SLC35F1: variants seen among roughly 807,000 people sequenced by gnomAD.
SLC35F1 encodes the protein solute carrier family 35 member F1.
In SLC35F1, 14 loss-of-function variants were observed where a neutral mutation model predicts 48.7. The observed-to-expected ratio is 0.29, with a 90% confidence interval of 0.19 to 0.45. The LOEUF (loss-of-function observed/expected upper bound fraction) is 0.45. Among genes scored for constraint, SLC35F1 ranks in the 20% least tolerant of loss-of-function variants. The pLI is 1.00. For synonymous variants in SLC35F1, 190 were observed against 202.2 expected (o/e 0.94, Z 0.51); for missense variants, 404 against 500.0 (o/e 0.81, Z 1.83).
intron 1 of SLC35F1, among the ~76,000 whole-genome samples, chr6:118,114,262 A>G (rs1378024891): frequency 6.6e-6 from 1 of 152,142 alleles, no homozygotes; most frequent in African/African-American, 2.4e-5. Context: ...TATAAAGACT[A>G]AATTATCATC....
At chr6:117,970,623 A>C (rs1466847951) in intron 1 of SLC35F1, among the ~76,000 whole-genome samples, 2 of 152,192 alleles carry the variant, frequency 1.3e-5, no homozygotes, top group African/African-American at 2.4e-5. Flanking sequence ...AAAGAAAAGG[A>C]GGTTTAATGG....
chr6:117,940,224 G>T (rs1189200063), intron 1 of SLC35F1, among the ~76,000 whole-genome samples: 4 of 152,124 alleles, frequency 2.6e-5, no homozygotes, highest in Non-Finnish European at 4.4e-5. Flanking sequence ...TACCTAGAGG[G>T]ATCAAAAACA....
At chr6:118,129,252 C>T (rs1773674838) in intron 1 of SLC35F1, among the ~76,000 whole-genome samples, 1 of 152,068 alleles carries the variant, frequency 6.6e-6, no homozygotes, top group Non-Finnish European at 1.5e-5. Flanking sequence ...ATAATAGGGT[C>T]TTAGGTGGGG....
chr6:118,099,681 G>A (rs1446305697), intron 1 of SLC35F1, among the ~76,000 whole-genome samples: 2 of 152,150 alleles, frequency 1.3e-5, no homozygotes, highest in Non-Finnish European at 2.9e-5. Context: ...GTGGCCAAGA[G>A]AATATTCCAG....
chr6:117,946,469 G>C (rs1776296524), intron 1 of SLC35F1, among the ~76,000 whole-genome samples: 1 of 152,060 alleles, frequency 6.6e-6, no homozygotes, highest in Non-Finnish European at 1.5e-5. Context: ...CTGGAGCTTG[G>C]GTAAGAATTC....
chr6:117,937,160 G>A (rs1407693046), intron 1 of SLC35F1, among the ~76,000 whole-genome samples: 1 of 152,190 alleles, frequency 6.6e-6, no homozygotes, highest in African/African-American at 2.4e-5. Flanking sequence ...AAGTAGTAGA[G>A]TTGGGGTCTG....
intron 2 of SLC35F1, among the ~76,000 whole-genome samples, chr6:118,214,587 A>G (rs1445084238): frequency 6.6e-6 from 1 of 152,172 alleles, no homozygotes. Flanking sequence ...GAGACATTTC[A>G]CCTGAGAGTA....
At chr6:117,956,645 C>T (rs980772591) in intron 1 of SLC35F1, among the ~76,000 whole-genome samples, 2 of 152,194 alleles carry the variant, frequency 1.3e-5, no homozygotes, top group African/African-American at 4.8e-5. Context: ...CTGATTCAGC[C>T]ACTGACTAAT....
intron 2 of SLC35F1, among the ~76,000 whole-genome samples, chr6:118,161,721 G>A (rs1774237296): frequency 6.6e-6 from 1 of 152,168 alleles, no homozygotes; most frequent in Non-Finnish European, 1.5e-5. Flanking sequence ...TGAATCTTTG[G>A]TAGATGCTTC....
intron 1 of SLC35F1, among the ~76,000 whole-genome samples, chr6:118,000,247 T>C (rs1233887960): frequency 6.6e-5 from 10 of 152,156 alleles, no homozygotes; most frequent in Non-Finnish European, 1.3e-4. Flanking sequence ...AAAGCTTATC[T>C]ACCATGATCA....
chr6:118,028,212 T>A (rs1033065868), intron 1 of SLC35F1, among the ~76,000 whole-genome samples: 6 of 152,296 alleles, frequency 3.9e-5, no homozygotes, highest in African/African-American at 1.4e-4. Context: ...ATAGATGGAT[T>A]GAGAGACTCC....
rs1393137877 is a variant in SLC35F1, at chr6:117,963,509, C to T, written c.173+55610C>T. 2.6e-5 allele frequency among the ~76,000 whole-genome samples: 4 copies of T among 151,966 alleles called. No individual in the cohort carries two copies. In the East Asian group the frequency reaches 7.7e-4, roughly 29 times the overall value. On this transcript the variant is annotated intron_variant, in intron 1 of 7. Coordinates refer to ENST00000360388, the MANE Select transcript of SLC35F1 (RefSeq NM_001029858.4). ...TTTAATTCTTAATCATTGTGTGCTA[C>T]ACGATAATATTAGAGGGAAAAAGGG...
chr6:118,304,746 A>G (rs999071691), intron 7 of SLC35F1, among the ~76,000 whole-genome samples: 1 of 151,944 alleles, frequency 6.6e-6, no homozygotes, highest in Admixed American at 6.6e-5. Flanking sequence ...GATGCTCACA[A>G]TGATTTCATA....
intron 1 of SLC35F1, among the ~76,000 whole-genome samples, chr6:118,129,230 T>A (rs1036122515): frequency 2.6e-5 from 4 of 152,152 alleles, no homozygotes; most frequent in Non-Finnish European, 5.9e-5. Flanking sequence ...ATAGCGATAG[T>A]AGAGAATAAT....
chr6:118,239,697 G>C (rs182425776), intron 3 of SLC35F1, among the ~76,000 whole-genome samples: 5 of 152,158 alleles, frequency 3.3e-5, no homozygotes, highest in African/African-American at 1.2e-4. Context: ...TCTTTCTCAA[G>C]TTAGCCATTT....
At chr6:118,048,666 G>A (rs1346464755) in intron 1 of SLC35F1, among the ~76,000 whole-genome samples, 1 of 152,042 alleles carries the variant, frequency 6.6e-6, no homozygotes, top group Non-Finnish European at 1.5e-5. Context: ...GGGATGTGAA[G>A]GACCTCTTCA....
chr6:118,119,752 A>G (rs1369892013), intron 1 of SLC35F1, among the ~76,000 whole-genome samples: 4 of 152,142 alleles, frequency 2.6e-5, no homozygotes, highest in Non-Finnish European at 5.9e-5. Context: ...AATTACATAA[A>G]TAACACATTT....
At chr6:118,251,013 A>G (rs1026939283) in intron 3 of SLC35F1, among the ~76,000 whole-genome samples, 2 of 148,814 alleles carry the variant, frequency 1.3e-5, no homozygotes, top group Admixed American at 6.7e-5. Flanking sequence ...CATGGCCAGG[A>G]GCGGTGGCTC....
chr6:118,242,262 C>T (rs561209436), intron 3 of SLC35F1, among the ~76,000 whole-genome samples: 2 of 152,236 alleles, frequency 1.3e-5, no homozygotes, highest in South Asian at 2.1e-4. Context: ...TTTTTGGCAA[C>T]CTAAAAGCCA....
Sources: allele counts gnomAD v4.1 joint callset (sites outside exome capture counted in the v4.1 genomes callset), GRCh38; gene constraint gnomAD v4.1.1; transcripts MANE v1.5; gene names NCBI Gene and HGNC (gene_info 2026-07-23, HGNC 2026-07-21).